Variants in PDZRN4 observed in about 807,000 individuals in gnomAD.
The protein encoded by PDZRN4 is PDZ domain-containing RING finger protein 4.
In PDZRN4, 70 loss-of-function variants were observed where a neutral mutation model predicts 99.0. That is an observed-to-expected ratio of 0.71 (90% CI 0.58 to 0.86). The LOEUF is 0.86. Ranked by LOEUF, PDZRN4 falls within the 40% of genes least tolerant of loss-of-function variation. The pLI is 0.00. For missense variants in PDZRN4, 1,474 were observed against 1,331.2 expected (o/e 1.11, Z -1.67); for synonymous variants, 551 against 501.6 (o/e 1.10, Z -1.32).
chr12:41,396,486 T>C (rs1952247027), intron 3 of PDZRN4, among the ~76,000 whole-genome samples: 1 of 152,244 alleles, frequency 6.6e-6, no homozygotes, highest in South Asian at 2.1e-4. Context: ...TATTATTGTG[T>C]AGCAAATTAC....
At chr12:41,410,659 A>G (rs1292239146) in intron 3 of PDZRN4, among the ~76,000 whole-genome samples, 1 of 152,202 alleles carries the variant, frequency 6.6e-6, no homozygotes, top group African/African-American at 2.4e-5. Context: ...ATTGAAAAGA[A>G]TGATTTAATT....
chr12:41,448,365 G>A (rs915527887), intron 3 of PDZRN4, among the ~76,000 whole-genome samples: 3 of 152,084 alleles, frequency 2.0e-5, no homozygotes, highest in African/African-American at 7.2e-5. Flanking sequence ...TCTGGTAAAA[G>A]CCCTAATACC....
intron 9 of PDZRN4, among the ~76,000 whole-genome samples, chr12:41,570,078 A>G (rs1344834329): frequency 2.0e-5 from 3 of 152,172 alleles, no homozygotes; most frequent in Admixed American, 1.3e-4. Context: ...AGGTAAAGTG[A>G]CAACGGTGTC....
rs538106424 is a variant in PDZRN4 at position 41,312,322 on chromosome 12, CA to C, written c.843+118138del. On this transcript the variant is annotated intron_variant, in intron 3 of 9. Coordinates refer to ENST00000402685, the MANE Select transcript of PDZRN4 (RefSeq NM_001164595.2). Reference sequence around the variant, plus strand: ...TTTCTCTATAGCAAAAAGAGACTTCCAAAATCATTCCACTGAACTTAGAATG... The same window carrying C: ...TTTCTCTATAGCAAAAAGAGACTTCCAAATCATTCCACTGAACTTAGAATG... 9.0e-4 allele frequency among the ~76,000 whole-genome samples: 136 copies of C among 151,408 alleles called. 2 individuals carry two copies. Among genetic ancestry groups the C allele is most frequent in the African/African-American group, 3.0e-3 (124 of 41,322 alleles).
intron 3 of PDZRN4, among the ~76,000 whole-genome samples, chr12:41,461,096 G>A (rs1262820103): frequency 6.6e-6 from 1 of 152,148 alleles, no homozygotes; most frequent in Non-Finnish European, 1.5e-5. Flanking sequence ...AGAGACTTGA[G>A]TCATTTGACA....
intron 3 of PDZRN4, among the ~76,000 whole-genome samples, chr12:41,283,183 TGACC>T (rs1951400834): frequency 6.6e-6 from 1 of 152,100 alleles, no homozygotes; most frequent in African/African-American, 2.4e-5. Flanking sequence ...AAAGGGGATA[TGACC>T]ACTGTTCCCA....
At chr12:41,465,698 C>A (rs1036926268) in intron 3 of PDZRN4, among the ~76,000 whole-genome samples, 1 of 152,190 alleles carries the variant, frequency 6.6e-6, no homozygotes, top group African/African-American at 2.4e-5. Context: ...TGGGAACTAA[C>A]CAGTCTCTCT....
intron 3 of PDZRN4, among the ~76,000 whole-genome samples, chr12:41,377,996 C>T (rs945781554): frequency 6.6e-5 from 10 of 152,070 alleles, no homozygotes; most frequent in South Asian, 2.1e-4. Flanking sequence ...TTGATGCTAT[C>T]GCTAGAATTT....
Position 41,230,859 on chromosome 12 carries a change from A to C in PDZRN4, c.843+36671A>C, listed in dbSNP as rs182069591. Among the ~76,000 whole-genome samples the C allele has an allele frequency of 2.0e-5, 3 of 152,188 alleles. No individual in the cohort carries two copies. The East Asian group carries it at 5.8e-4, about 29-fold the overall frequency. ...CATGCATGGTAGTTCTTTTATATTAACACACAGCTAATCTCTTTTTTTACC... is the reference window on the plus strand; with the variant it reads ...CATGCATGGTAGTTCTTTTATATTACCACACAGCTAATCTCTTTTTTTACC... On this transcript the variant is annotated intron_variant, in intron 3 of 9. Transcript: ENST00000402685.
At chr12:41,347,195 A>G (rs1261739918) in intron 3 of PDZRN4, among the ~76,000 whole-genome samples, 1 of 151,872 alleles carries the variant, frequency 6.6e-6, no homozygotes, top group Non-Finnish European at 1.5e-5. Flanking sequence ...CTGAGGTTAA[A>G]CTCTATGTTT....
intron 3 of PDZRN4, among the ~76,000 whole-genome samples, chr12:41,305,880 C>T (rs1235988613): frequency 1.3e-5 from 2 of 152,158 alleles, no homozygotes; most frequent in Non-Finnish European, 2.9e-5. Flanking sequence ...TCCAGAGTCT[C>T]ATCTAAATAT....
At chr12:41,360,816 C>T (rs1347994592) in intron 3 of PDZRN4, among the ~76,000 whole-genome samples, 1 of 151,958 alleles carries the variant, frequency 6.6e-6, no homozygotes, top group Non-Finnish European at 1.5e-5. Context: ...TAGCTAATGT[C>T]CATATGTACA....
At chr12:41,333,038 C>T (rs1951750464) in intron 3 of PDZRN4, among the ~76,000 whole-genome samples, 1 of 152,150 alleles carries the variant, frequency 6.6e-6, no homozygotes, top group Non-Finnish European at 1.5e-5. Flanking sequence ...GTCACACATG[C>T]TAGTGAGTGA....
At chr12:41,341,585 A>T (rs1797405266) in intron 3 of PDZRN4, among the ~76,000 whole-genome samples, 4 of 151,826 alleles carry the variant, frequency 2.6e-5, no homozygotes, top group African/African-American at 9.7e-5. Flanking sequence ...TCAATGAAAC[A>T]ATTATATTTA....
chr12:41,369,619 T>C (rs911299112), intron 3 of PDZRN4, among the ~76,000 whole-genome samples: 1 of 152,054 alleles, frequency 6.6e-6, no homozygotes, highest in Non-Finnish European at 1.5e-5. Context: ...AATTGGATTC[T>C]AACTTATTTT....
At position 41,442,002 on chromosome 12, in the gene PDZRN4, C is replaced by T. The variant is rs74078853; in HGVS notation, c.844-64454C>T. Among the ~76,000 whole-genome samples, 943 of 152,212 alleles carry T rather than the reference C, an allele frequency of 6.2e-3. 7 individuals carry two copies. Among genetic ancestry groups the T allele is most frequent in the Middle Eastern group, 0.031 (9 of 294 alleles). On this transcript the variant is annotated intron_variant, in intron 3 of 9. Coordinates refer to ENST00000402685, the MANE Select transcript of PDZRN4 (RefSeq NM_001164595.2). ...TCCCTCTTAGAATTTGCCATTGTGTCACTCCACCCTGATGGCTGCTGCTGG... is the reference window on the plus strand; with the variant it reads ...TCCCTCTTAGAATTTGCCATTGTGTTACTCCACCCTGATGGCTGCTGCTGG...
At chr12:41,545,567 T>G (rs1938934930) in intron 5 of PDZRN4, among the ~76,000 whole-genome samples, 2 of 150,200 alleles carry the variant, frequency 1.3e-5, no homozygotes, top group Non-Finnish European at 3.0e-5. Context: ...ATGAGAGTGA[T>G]CTAATGAGGA....
At chr12:41,331,525 GA>G (rs952250977) in intron 3 of PDZRN4, among the ~76,000 whole-genome samples, 1 of 152,090 alleles carries the variant, frequency 6.6e-6, no homozygotes, top group Non-Finnish European at 1.5e-5. Flanking sequence ...GGGAAAAAAA[GA>G]AGCTCTGTGG....
intron 3 of PDZRN4, among the ~76,000 whole-genome samples, chr12:41,314,447 C>A (rs1265633047): frequency 6.6e-6 from 1 of 152,180 alleles, no homozygotes; most frequent in Non-Finnish European, 1.5e-5. Context: ...TTACAATACA[C>A]TGTAAGTAGT....
Sources: allele counts gnomAD v4.1 joint callset (sites outside exome capture counted in the v4.1 genomes callset), GRCh38; gene constraint gnomAD v4.1.1; transcripts MANE v1.5; gene names NCBI Gene and HGNC (gene_info 2026-07-23, HGNC 2026-07-21).